FRMD4A: variants seen among roughly 807,000 people sequenced by gnomAD.
FRMD4A encodes FERM domain-containing protein 4A.
A neutral mutation model predicts 129.1 loss-of-function variants in FRMD4A; 29 were observed. That is an observed-to-expected ratio of 0.22 (90% CI 0.17 to 0.31). The LOEUF (loss-of-function observed/expected upper bound fraction) is 0.31. Ranked by LOEUF, FRMD4A falls within the 10% of genes least tolerant of loss-of-function variation. FRMD4A has a pLI of 1.00. For synonymous variants in FRMD4A, 634 were observed against 571.6 expected, an observed-to-expected ratio of 1.11 and a Z score of -1.56; for missense variants, 1,272 against 1,375.8, an observed-to-expected ratio of 0.92 and a Z score of 1.19.
At chr10:13,703,976 G>T (rs1165078648) in intron 13 of FRMD4A, among the ~76,000 whole-genome samples, 2 of 152,184 alleles carry the variant, frequency 1.3e-5, no homozygotes, top group Non-Finnish European at 2.9e-5. Context: ...CTGCATTCCA[G>T]CCTGGGGACA....
At chr10:13,970,126 T>C (rs887522019) in intron 2 of FRMD4A, among the ~76,000 whole-genome samples, 7 of 152,330 alleles carry the variant, frequency 4.6e-5, no homozygotes, top group African/African-American at 1.4e-4. Context: ...AAATCTTATG[T>C]GAACTTTTCG....
chr10:13,648,326 T>A (rs1328367171), intron 24 of FRMD4A: 3 of 152,188 alleles, frequency 2.0e-5, no homozygotes, highest in Admixed American at 2.0e-4. Flanking sequence ...GCAAACTTTG[T>A]CTCCACCCTA....
intron 5 of FRMD4A, among the ~76,000 whole-genome samples, chr10:13,794,220 G>A (rs1350323973): frequency 1.3e-5 from 2 of 151,672 alleles, no homozygotes; most frequent in South Asian, 2.1e-4. Flanking sequence ...GGTGAAACAC[G>A]GTCTCTACTA....
intron 5 of FRMD4A, among the ~76,000 whole-genome samples, chr10:13,787,279 C>T (rs1457735063): frequency 1.3e-5 from 2 of 152,144 alleles, no homozygotes; most frequent in South Asian, 2.1e-4. Context: ...GTATGGAGCT[C>T]ATCCTGAGCT....
chr10:14,288,709 T>C (rs4750505), intron 2 of FRMD4A, among the ~76,000 whole-genome samples: 49,557 of 151,974 alleles, frequency 0.33, 8,336 homozygotes, highest in Middle Eastern at 0.37. Flanking sequence ...GGCACAGTGT[T>C]ATACAGCATA....
intron 24 of FRMD4A, chr10:13,647,869 G>C (rs912048718): frequency 6.6e-6 from 1 of 151,836 alleles, no homozygotes; most frequent in African/African-American, 2.4e-5. Context: ...CGGAAAAACA[G>C]CCTCTCTTCA....
chr10:14,105,530 T>C (rs1332984450), intron 2 of FRMD4A, among the ~76,000 whole-genome samples: 2 of 152,256 alleles, frequency 1.3e-5, no homozygotes, highest in East Asian at 1.9e-4. Flanking sequence ...TTGTCACTTA[T>C]AACATTGTAG....
At chr10:13,701,720 G>A (rs2086849666) in intron 13 of FRMD4A, among the ~76,000 whole-genome samples, 1 of 152,190 alleles carries the variant, frequency 6.6e-6, no homozygotes, top group Non-Finnish European at 1.5e-5. Flanking sequence ...ATCTGGCCAA[G>A]CCTCGGCCTT....
chr10:13,798,680 G>A (rs997341950), intron 4 of FRMD4A, among the ~76,000 whole-genome samples: 19 of 152,234 alleles, frequency 1.2e-4, no homozygotes, highest in East Asian at 7.7e-4. Context: ...TGGCGCCACC[G>A]CACTCCAGCC....
intron 2 of FRMD4A, among the ~76,000 whole-genome samples, chr10:13,981,738 CAAAAAAAAA>C (rs55829400): frequency 1.0e-5 from 1 of 97,662 alleles, no homozygotes; most frequent in Non-Finnish European, 2.6e-5. Context: ...GACTCCGTGT[CAAAAAAAAA>C]AAAAAAAAAA....
At position 14,030,747 on chromosome 10, in the gene FRMD4A, G is replaced by A. The variant is rs192076277; in HGVS notation, c.46-171835C>T. On this transcript the variant is annotated intron_variant, in intron 2 of 24. Coordinates refer to ENST00000357447, the MANE Select transcript of FRMD4A (RefSeq NM_018027.5). ...TGGGATCAGGCAGTGGTTCTCAGAA[G>A]ACTACACTCTTAGCATCTGCCCTTA... 3.9e-5 allele frequency among the ~76,000 whole-genome samples: 6 copies of A among 152,328 alleles called. No individual in the cohort carries two copies. The East Asian group carries it at 1.2e-3, about 29-fold the overall frequency.
chr10:14,027,459 T>C (rs1833036735), intron 2 of FRMD4A, among the ~76,000 whole-genome samples: 1 of 152,046 alleles, frequency 6.6e-6, no homozygotes. Flanking sequence ...CTACTAAAAA[T>C]ACAAAAATTA....
At chr10:14,139,313 A>T (rs1478495514) in intron 2 of FRMD4A, among the ~76,000 whole-genome samples, 3 of 152,226 alleles carry the variant, frequency 2.0e-5, no homozygotes, top group East Asian at 3.8e-4. Context: ...CAACTGTGTC[A>T]TTCCACTTTT....
intron 13 of FRMD4A, 73 bp from the exon 14 acceptor site, chr10:13,701,551 G>A: frequency 6.9e-7 from 1 of 1,454,572 alleles, no homozygotes; most frequent in Non-Finnish European, 9.5e-7. Flanking sequence ...AACAGCTTCT[G>A]TAGAGAACCC....
At chr10:14,179,320 C>T (rs943942032) in intron 2 of FRMD4A, among the ~76,000 whole-genome samples, 2 of 152,170 alleles carry the variant, frequency 1.3e-5, no homozygotes, top group African/African-American at 4.8e-5. Flanking sequence ...AGGCTTTACC[C>T]TCTGTGACCT....
intron 2 of FRMD4A, among the ~76,000 whole-genome samples, chr10:13,989,802 G>C (rs1565160704): frequency 6.6e-6 from 1 of 152,142 alleles, no homozygotes; most frequent in Non-Finnish European, 1.5e-5. Context: ...TAAAATACAG[G>C]ACACCCAGTT....
chr10:13,688,874 C>T (rs1029389450), intron 15 of FRMD4A, among the ~76,000 whole-genome samples: 3 of 152,012 alleles, frequency 2.0e-5, no homozygotes, highest in East Asian at 1.9e-4. Flanking sequence ...TGTAATTACA[C>T]GCCTAGCTAA....
At chr10:14,160,693 G>A (rs1242428977) in intron 2 of FRMD4A, among the ~76,000 whole-genome samples, 1 of 152,114 alleles carries the variant, frequency 6.6e-6, no homozygotes, top group African/African-American at 2.4e-5. Flanking sequence ...ATGAAAAAAT[G>A]CTCAACATCA....
intron 11 of FRMD4A, 103 bp downstream of exon 11, chr10:13,740,089 ACT>A (rs1227892987): frequency 6.6e-6 from 5 of 763,226 alleles, no homozygotes; most frequent in African/African-American, 5.2e-5. Flanking sequence ...ACAAAGCAAG[ACT>A]CTATCTCAAA....
Sources: gnomAD v4.1 joint callset for allele counts (sites outside exome capture counted in the v4.1 genomes callset) on GRCh38, gnomAD v4.1.1 for gene constraint, MANE v1.5 for transcripts, NCBI Gene and HGNC (gene_info 2026-07-23, HGNC 2026-07-21) for gene names.